Variants in ASRGL1 observed in about 807,000 individuals in gnomAD.
ASRGL1 encodes the protein asparaginase and isoaspartyl peptidase 1.
In ASRGL1, 16 loss-of-function variants were observed where a neutral mutation model predicts 22.4. That is an observed-to-expected ratio of 0.71 (90% CI 0.48 to 1.08). ASRGL1 has a LOEUF of 1.08. ASRGL1 is among the 50% of genes least tolerant of loss of function. The pLI is 0.00. For synonymous variants in ASRGL1, 165 were observed against 159.3 expected, an observed-to-expected ratio of 1.04 and a Z score of -0.27; for missense variants, 412 against 410.1, an observed-to-expected ratio of 1.00 and a Z score of -0.04.
intron 4 of ASRGL1, among the ~76,000 whole-genome samples, chr11:62,388,360 G>A (rs1947261856): frequency 6.6e-6 from 1 of 152,070 alleles, no homozygotes; most frequent in Admixed American, 6.6e-5. Context: ...AGCGACACCC[G>A]GGAGGTTGTC....
At chr11:62,395,538 TCTTCCTCTCTAGCTTGAGGGA>T (rs1947422033), downstream of ASRGL1, among the ~76,000 whole-genome samples, 4 of 152,116 alleles carry the variant, frequency 2.6e-5, no homozygotes, top group South Asian at 6.2e-4. Context: ...TTCCTAGACT[TCTTCCTCTCTAGCTTGAGGGA>T]TTGTAAACTC....
intron 4 of ASRGL1, among the ~76,000 whole-genome samples, chr11:62,365,737 C>G (rs149047746): frequency 2.0e-3 from 306 of 151,896 alleles, no homozygotes; most frequent in African/African-American, 7.1e-3. Flanking sequence ...GTAATCTCAG[C>G]TATTTGAGAG....
chr11:62,363,352 T>A (rs2134633787), intron 4 of ASRGL1, among the ~76,000 whole-genome samples: 1 of 152,274 alleles, frequency 6.6e-6, no homozygotes, highest in Non-Finnish European at 1.5e-5. Context: ...AATATTTACC[T>A]AGCTTGAAGA....
chr11:62,387,914 CTG>C (rs1483302906), intron 4 of ASRGL1, among the ~76,000 whole-genome samples: 1 of 152,172 alleles, frequency 6.6e-6, no homozygotes, highest in Non-Finnish European at 1.5e-5. Flanking sequence ...ATTTGTTCAA[CTG>C]TGTTACAGTC....
At chr11:62,356,253 G>A (rs753717159) in intron 2 of ASRGL1, 72 bp from the exon 3 acceptor site, 82 of 1,555,990 alleles carry the variant, frequency 5.3e-5, no homozygotes, top group Non-Finnish European at 6.5e-5. Flanking sequence ...GCGGGGGGCT[G>A]ACCCCCCCAC....
At chr11:62,398,733 G>A in the ASRGL1 span, among the ~76,000 whole-genome samples, 4 of 152,110 alleles carry the variant, frequency 2.6e-5, no homozygotes, top group East Asian at 7.7e-4. Context: ...CCCCAGATCT[G>A]GCCTTTCTCT....
At chr11:62,375,449 TATATATATATATATATATATA>T (rs1946895489) in intron 4 of ASRGL1, among the ~76,000 whole-genome samples, 1 of 71,860 alleles carries the variant, frequency 1.4e-5, no homozygotes, top group East Asian at 4.2e-4. Flanking sequence ...TATATATATA[TATATATATATATATATATATA>T]TATATATATA....
At chr11:62,382,209 A>C (rs1372272985) in intron 4 of ASRGL1, 1 of 151,980 alleles carries the variant, frequency 6.6e-6, no homozygotes, top group Non-Finnish European at 1.5e-5. Flanking sequence ...AGACAGAGAC[A>C]ACGTATAGAG....
intron 4 of ASRGL1, among the ~76,000 whole-genome samples, chr11:62,360,797 C>T (rs1348882839): frequency 1.3e-5 from 2 of 152,144 alleles, no homozygotes; most frequent in Non-Finnish European, 2.9e-5. Context: ...GAATCACACA[C>T]AATAAAACAC....
At chr11:62,346,801 CT>C (rs1946035227) in intron 2 of ASRGL1, among the ~76,000 whole-genome samples, 1 of 140,872 alleles carries the variant, frequency 7.1e-6, no homozygotes. Flanking sequence ...GAAACCCCAT[CT>C]CTACTAAAAC....
intron 4 of ASRGL1, chr11:62,373,198 T>G: frequency 1.0e-6 from 1 of 956,988 alleles, no homozygotes; most frequent in Admixed American, 1.7e-5. Context: ...CTCCTCCGAC[T>G]CCACACCTCT....
intron 4 of ASRGL1, among the ~76,000 whole-genome samples, chr11:62,368,907 C>T (rs1481794924): frequency 6.6e-6 from 1 of 152,202 alleles, no homozygotes; most frequent in Non-Finnish European, 1.5e-5. Flanking sequence ...GTAAATAGAA[C>T]ATACAATCGG....
At chr11:62,393,517 A>T (rs1446904792), downstream of ASRGL1, 1 of 152,170 alleles carries the variant, frequency 6.6e-6, no homozygotes, top group African/African-American at 2.4e-5. Flanking sequence ...GATGGTGTGG[A>T]GGGTGATATG....
intron 4 of ASRGL1, among the ~76,000 whole-genome samples, chr11:62,381,173 G>C (rs1947057883): frequency 6.6e-6 from 1 of 152,090 alleles, no homozygotes; most frequent in African/African-American, 2.4e-5. Flanking sequence ...ATATTCTCTT[G>C]GGGTTTGTAC....
At chr11:62,346,025 T>C (rs1488661408) in intron 2 of ASRGL1, among the ~76,000 whole-genome samples, 1 of 152,082 alleles carries the variant, frequency 6.6e-6, no homozygotes, top group Non-Finnish European at 1.5e-5. Context: ...AAGAGTTGCA[T>C]AGGGTGAGGT....
chr11:62,359,726 A>G (rs1442126799), intron 4 of ASRGL1, among the ~76,000 whole-genome samples: 2 of 152,056 alleles, frequency 1.3e-5, no homozygotes, highest in Non-Finnish European at 2.9e-5. Context: ...AGAAAAACAA[A>G]AAGCTCCTGT....
Position 62,338,024 on chromosome 11 carries a change from C to G in ASRGL1, c.47C>G (p.Ser16Cys), listed in dbSNP as rs752659253. ...CACGGCGGCGGAGCCGGTCCCATCT[C>G]CAAGGATCGGAAGGAGCGAGTGCAC... ...VVHGGGAGPISKDRKERVHQG... is the reference protein window; with the variant it reads ...VVHGGGAGPICKDRKERVHQG... The change falls in exon 2 of 7, where the codon TCC becomes TGC. Residue 16 changes from serine to cysteine, a missense_variant. Transcript: ENST00000415229. 13 of 1,607,846 alleles carry G rather than the reference C, an allele frequency of 8.1e-6. No individual in the cohort carries two copies. In the African/African-American group the frequency reaches 1.7e-4, roughly 21 times the overall value.
intron 4 of ASRGL1, among the ~76,000 whole-genome samples, chr11:62,374,063 C>A (rs1222037972): frequency 6.6e-6 from 1 of 152,180 alleles, no homozygotes; most frequent in African/African-American, 2.4e-5. Context: ...CTTTCTGTAC[C>A]AGCCTCGATC....
At chr11:62,356,224 G>A (rs947813279) in intron 2 of ASRGL1, 101 bp from the exon 3 acceptor site, 37 of 1,435,608 alleles carry the variant, frequency 2.6e-5, no homozygotes, top group East Asian at 1.2e-4. Context: ...CTCACCTCCC[G>A]GATGGGGCGG....
Sources: allele counts gnomAD v4.1 joint callset (sites outside exome capture counted in the v4.1 genomes callset), GRCh38; gene constraint gnomAD v4.1.1; transcripts MANE v1.5; gene names NCBI Gene and HGNC (gene_info 2026-07-23, HGNC 2026-07-21).